ERGIC1: variants seen among roughly 807,000 people sequenced by gnomAD.
The protein encoded by ERGIC1 is endoplasmic reticulum-golgi intermediate compartment 1, also known as endoplasmic reticulum-Golgi intermediate compartment protein 1.
ERGIC1 carries 19 observed loss-of-function variants against 38.3 expected under a neutral mutation model. The ratio of observed to expected loss-of-function variants is 0.50; its 90% CI spans 0.35 to 0.73. The LOEUF (loss-of-function observed/expected upper bound fraction) is 0.73, where lower values mean the gene tolerates loss of function less well. ERGIC1 is among the 30% of genes least tolerant of loss of function. The pLI, the probability that ERGIC1 is intolerant of heterozygous loss-of-function variation, is 0.01. For missense variants in ERGIC1, 294 were observed against 389.2 expected (o/e 0.76, Z 2.06); for synonymous variants, 124 against 157.6 (o/e 0.79, Z 1.60).
At chr5:172,938,633 TC>T (rs762448572) in intron 9 of ERGIC1, among the ~76,000 whole-genome samples, 1 of 151,592 alleles carries the variant, frequency 6.6e-6, no homozygotes, top group Non-Finnish European at 1.5e-5. Flanking sequence ...GCACTTGTAG[TC>T]CCAGCTACTC....
At chr5:172,887,994 T>C (rs889772720) in intron 1 of ERGIC1, among the ~76,000 whole-genome samples, 1 of 152,184 alleles carries the variant, frequency 6.6e-6, no homozygotes, top group African/African-American at 2.4e-5. Context: ...GCTGTGCGTT[T>C]CCTTGCTTCC....
chr5:172,904,125 C>T lies in ERGIC1; in HGVS notation c.156-5542C>T, dbSNP rs1403421040. Among the ~76,000 whole-genome samples the T allele has an allele frequency of 1.3e-5, 2 of 152,130 alleles. 1 individual carries two copies. Among genetic ancestry groups the T allele is most frequent in the African/African-American group, 4.8e-5 (2 of 41,424 alleles). Reference sequence around the variant, plus strand: ...TTATTTTCCTCTTTTTCTCTCCTTTCCTCTCTCCCTCCTTCCTTTCCTTTC... The same window carrying T: ...TTATTTTCCTCTTTTTCTCTCCTTTTCTCTCTCCCTCCTTCCTTTCCTTTC... On this transcript the variant is annotated intron_variant, in intron 3 of 9. Coordinates refer to ENST00000393784, the MANE Select transcript of ERGIC1 (RefSeq NM_001031711.3).
At chr5:172,835,262 C>A (rs1456068285) in intron 1 of ERGIC1, among the ~76,000 whole-genome samples, 1 of 152,228 alleles carries the variant, frequency 6.6e-6, no homozygotes, top group African/African-American at 2.4e-5. Context: ...GGCTTTAATG[C>A]AGGGAGGAGC....
intron 5 of ERGIC1, among the ~76,000 whole-genome samples, chr5:172,921,025 C>T (rs552375799): frequency 1.3e-3 from 197 of 152,342 alleles, no homozygotes; most frequent in African/African-American, 4.5e-3. Flanking sequence ...TTCCCTCTTC[C>T]GGGAGGGCCC....
chr5:172,935,310 G>A lies in ERGIC1; in HGVS notation c.765G>A (p.Thr255=), dbSNP rs147480799. 5.0e-6 allele frequency: 8 copies of A among 1,614,014 alleles called. No homozygotes were observed. Among genetic ancestry groups the A allele is most frequent in the Non-Finnish European group, 5.9e-6 (7 of 1,180,024 alleles). The change falls in exon 9 of 10, where the codon ACG becomes ACA. Residue 255 remains threonine, a splice_region_variant and synonymous_variant. Coordinates refer to ENST00000393784, the MANE Select transcript of ERGIC1 (RefSeq NM_001031711.3). ...RRQPLYRFIT[T]ICAIIGGTFT... ...AGCCGCTGTACAGATTCATCACCAC[G>A]GTGAGTGGCCTGGGGCAGTGGGTGG... is the stretch of plus-strand genomic sequence containing the variant.
At chr5:172,874,527 T>C (rs1417488288) in intron 1 of ERGIC1, among the ~76,000 whole-genome samples, 2 of 152,204 alleles carry the variant, frequency 1.3e-5, no homozygotes, top group East Asian at 3.8e-4. Context: ...CCTGGTGATG[T>C]AGACAGATGG....
chr5:172,918,409 T>C (rs930158802), intron 5 of ERGIC1: 1 of 152,214 alleles, frequency 6.6e-6, no homozygotes, highest in South Asian at 2.1e-4. Flanking sequence ...CTGGAGAGAA[T>C]TGCAGTTTGA....
intron 7 of ERGIC1, chr5:172,931,103 T>G (rs998433264): frequency 6.6e-6 from 1 of 152,186 alleles, no homozygotes; most frequent in Non-Finnish European, 1.5e-5. Flanking sequence ...AGAAGAGGAC[T>G]GACTCGACTC....
At chr5:172,915,618 C>T (rs1393928651) in intron 5 of ERGIC1, 6 of 471,026 alleles carry the variant, frequency 1.3e-5, no homozygotes, top group Middle Eastern at 3.2e-4. Context: ...CAGCACGTGC[C>T]GGCCTTCCTC....
rs1200227461 is a variant in ERGIC1 at position 172,834,577 on chromosome 5, C to A, written c.20+144C>A. 9.5e-6 allele frequency: 6 copies of A among 630,784 alleles called. 1 individual carries two copies. Among genetic ancestry groups the A allele is most frequent in the Non-Finnish European group, 9.9e-6 (5 of 504,978 alleles). 39.1% of individuals were successfully genotyped at this position (630,784 alleles called of 1,614,324 possible). On this transcript the variant is annotated intron_variant, in intron 1 of 9. Coordinates refer to ENST00000393784, the MANE Select transcript of ERGIC1 (RefSeq NM_001031711.3). This position sits in a 1 kb window ranked among gnomAD's most constrained non-coding sequence, Gnocchi z 4.1. ...TCCGCAGGCCCCTAGGGACCCCAGG[C>A]GAGCCCCCCCCCTGCCGCACACGAA...
intron 1 of ERGIC1, among the ~76,000 whole-genome samples, chr5:172,852,441 C>T (rs1336649966): frequency 6.6e-6 from 1 of 152,164 alleles, no homozygotes; most frequent in Non-Finnish European, 1.5e-5. Context: ...GCCAGGGACC[C>T]AGGCAGGGAG....
intron 7 of ERGIC1, 134 bp from the exon 8 acceptor site, chr5:172,932,302 G>A (rs1409066273): frequency 1.3e-6 from 1 of 763,336 alleles, no homozygotes; most frequent in Non-Finnish European, 2.2e-6. Context: ...ATGAAGAGCA[G>A]TTGGTTGGTG....
At chr5:172,857,092 T>G (rs995479789) in intron 1 of ERGIC1, among the ~76,000 whole-genome samples, 1 of 152,204 alleles carries the variant, frequency 6.6e-6, no homozygotes, top group African/African-American at 2.4e-5. Context: ...GAACATGATG[T>G]ACGCTGAAGT....
intron 3 of ERGIC1, among the ~76,000 whole-genome samples, chr5:172,908,742 A>G (rs10065121): frequency 0.69 from 105,025 of 152,058 alleles, 36,693 homozygotes; most frequent in Non-Finnish European, 0.74. Context: ...CTCCAAAAGC[A>G]TAAGACAATA....
Position 172,873,264 on chromosome 5 carries a change from T to G in ERGIC1, c.21-15435T>G, listed in dbSNP as rs573231077. On this transcript the variant is annotated intron_variant, in intron 1 of 9. Coordinates refer to ENST00000393784, the MANE Select transcript of ERGIC1 (RefSeq NM_001031711.3). The stretch of plus-strand genomic sequence containing the variant: ...GAGGCCGTGTCCTGTTTCCAGTGAG[T>G]TGGAAACACTTGGGGGGCCCTTGCT... Among the ~76,000 whole-genome samples the G allele has an allele frequency of 1.9e-3, 283 of 152,304 alleles. 2 individuals are homozygous for G. Among genetic ancestry groups the G allele is most frequent in the Middle Eastern group, 0.01 (3 of 294 alleles).
chr5:172,950,986 C>T lies in ERGIC1; in HGVS notation c.*170C>T, dbSNP rs1241678087. 2 of 539,774 alleles carry T rather than the reference C, an allele frequency of 3.7e-6. No individual in the cohort carries two copies. Among genetic ancestry groups the T allele is most frequent in the East Asian group, 3.2e-5 (1 of 30,996 alleles). The allele number at this position is 539,774 out of a possible 1,614,324, so 33.4% of individuals were successfully genotyped here. A position where few individuals can be genotyped will look rare whatever the true frequency, so the allele number is the denominator to read the frequency against. Reference sequence around the variant, plus strand: ...TCGATGTTTTGCAGCTACCTCTTTTCCCCGTGTTTCTTTTTAGACAAATTA... The same window carrying T: ...TCGATGTTTTGCAGCTACCTCTTTTTCCCGTGTTTCTTTTTAGACAAATTA... On this transcript the variant is annotated 3_prime_UTR_variant, in exon 10 of 10. Transcript: ENST00000393784.
chr5:172,899,373 A>G (rs1371917819), intron 3 of ERGIC1, among the ~76,000 whole-genome samples: 2 of 134,894 alleles, frequency 1.5e-5, no homozygotes, highest in Non-Finnish European at 3.0e-5. Flanking sequence ...GCTGTAGTGC[A>G]GTGGCGTGAT....
rs145034549 is a variant in ERGIC1, at chr5:172,944,776, A to G, written c.766-5933A>G. ...CCAGCCTCCAAAGCCCAGGCCCTCTATGGCATCGCTTTCCAGGTGCAGGGT... is the reference window on the plus strand; with the variant it reads ...CCAGCCTCCAAAGCCCAGGCCCTCTGTGGCATCGCTTTCCAGGTGCAGGGT... On this transcript the variant is annotated intron_variant, in intron 9 of 9. Coordinates refer to ENST00000393784, the MANE Select transcript of ERGIC1 (RefSeq NM_001031711.3). Among the ~76,000 whole-genome samples, 635 of 152,314 alleles carry G rather than the reference A, an allele frequency of 4.2e-3. 8 individuals carry two copies. Among genetic ancestry groups the G allele is most frequent in the African/African-American group, 0.014 (599 of 41,564 alleles).
Position 172,926,631 on chromosome 5 carries a change from G to A in ERGIC1, c.541+62G>A. ...GATGCCCAGTACAGCAGGCAGGGAG[G>A]GGGAGGGCAGAGAGGTGGGGGTGCC... On this transcript the variant is annotated intron_variant, in intron 7 of 9. Transcript: ENST00000393784. The surrounding 1 kb of genome is among the most constrained non-coding windows in gnomAD (Gnocchi z 5.2). The A allele has an allele frequency of 3.8e-6, 6 of 1,588,000 alleles. No homozygotes were observed. The highest frequency in any genetic ancestry group is 5.1e-6 in the Non-Finnish European group (6 of 1,165,120).
Sources: allele counts gnomAD v4.1 joint callset (sites outside exome capture counted in the v4.1 genomes callset), GRCh38; gene constraint gnomAD v4.1.1; non-coding constraint Gnocchi (gnomAD v3.1); transcripts MANE v1.5; gene names NCBI Gene and HGNC (gene_info 2026-07-23, HGNC 2026-07-21).